MME: variants seen among roughly 807,000 people sequenced by gnomAD.
MME encodes neprilysin.
Under a neutral mutation model 113.2 loss-of-function variants are expected in MME, and 98 were observed. That is an observed-to-expected ratio of 0.87 (90% CI 0.74 to 1.02). The LOEUF (loss-of-function observed/expected upper bound fraction) is 1.02. MME is among the 50% of genes least tolerant of loss of function. The probability of loss-of-function intolerance (pLI) is 0.00; values close to 1 mark genes in which losing one functional copy is unlikely to be tolerated. For missense variants in MME, 836 were observed against 896.0 expected, an observed-to-expected ratio of 0.93 and a Z score of 0.86; for synonymous variants, 292 against 300.6, an observed-to-expected ratio of 0.97 and a Z score of 0.30.
chr3:155,049,824 G>T (rs1353555762), intron 1 of MME, among the ~76,000 whole-genome samples: 3 of 152,124 alleles, frequency 2.0e-5, no homozygotes, highest in South Asian at 4.1e-4. Flanking sequence ...ACCTTATTTT[G>T]TTATTTTCTT....
chr3:155,084,278 C>T lies in MME; in HGVS notation c.111C>T (p.Leu37=). The change falls in exon 2 of 23, where the codon CTC becomes CTT. Residue 37 remains leucine (L), a synonymous_variant. Coordinates refer to ENST00000360490, the MANE Select transcript of MME (RefSeq NM_007289.4). The part of the protein sequence containing the change: ...LEISLSVLVL[L]LTIIAVTMIA... ...TCAGCCTCTCGGTCCTTGTCCTGCT[C>T]CTCACCATCATAGCTGTGACAATGA... is the stretch of plus-strand genomic sequence containing the variant. 1 of 1,614,176 alleles carries T rather than the reference C, an allele frequency of 6.2e-7. No individual in the cohort carries two copies. Among genetic ancestry groups the T allele is most frequent in the Non-Finnish European group, 8.5e-7 (1 of 1,180,044 alleles).
In MME at chr3:155,160,386, A is replaced by G. The variant is rs777730195; in HGVS notation, c.1602-4A>G. 22 of 1,601,564 alleles carry G rather than the reference A, an allele frequency of 1.4e-5. No homozygotes were observed. Among genetic ancestry groups the G allele is most frequent in the African/African-American group, 2.7e-5 (2 of 74,584 alleles). On this transcript the variant is annotated splice_polypyrimidine_tract_variant and splice_region_variant and intron_variant, in intron 16 of 22. Transcript: ENST00000360490. ...TTTGTAAAGAGTTCTTATGTTTTCTACAGGTGGATAAGTGGAGCAGCTGTA... is the reference window on the plus strand; with the variant it reads ...TTTGTAAAGAGTTCTTATGTTTTCTGCAGGTGGATAAGTGGAGCAGCTGTA...
chr3:155,095,631 C>T (rs986756306), intron 3 of MME, among the ~76,000 whole-genome samples: 30 of 152,274 alleles, frequency 2.0e-4, no homozygotes, highest in Admixed American at 5.2e-4. Flanking sequence ...CCACACGCCT[C>T]AGCCTCCCAA....
chr3:155,131,099 A>T (rs113391954), intron 8 of MME, among the ~76,000 whole-genome samples: 1 of 152,220 alleles, frequency 6.6e-6, no homozygotes, highest in Non-Finnish European at 1.5e-5. Flanking sequence ...GGGTGATTCA[A>T]TTTGGCTTGC....
At chr3:155,029,411 C>A (rs890448124) in intron 1 of MME, among the ~76,000 whole-genome samples, 5 of 151,778 alleles carry the variant, frequency 3.3e-5, no homozygotes, top group Non-Finnish European at 7.4e-5. Flanking sequence ...ATTTAAATAA[C>A]CTCTTAAACT....
At chr3:155,059,434 A>G (rs1423245957) in intron 1 of MME, among the ~76,000 whole-genome samples, 3 of 152,138 alleles carry the variant, frequency 2.0e-5, no homozygotes, top group Non-Finnish European at 2.9e-5. Context: ...TTTATTCCAC[A>G]AATACTTACG....
Position 155,143,490 on chromosome 3 carries a change from A to G in MME, c.1236A>G (p.Ala412=), listed in dbSNP as rs1370209442. The G allele has an allele frequency of 6.2e-7, 1 of 1,612,722 alleles. No individual in the cohort carries two copies. Among genetic ancestry groups the G allele is most frequent in the Non-Finnish European group, 8.5e-7 (1 of 1,179,064 alleles). ...AAACAGCAACTTGGAGACGTTGTGC[A>G]AACTATGTCAATGGGAATATGGAAA... ...TSETATWRRC[A]NYVNGNMENA... Residue 412 remains alanine (A), a synonymous_variant, in exon 13 of 23, where the codon GCA becomes GCG. Coordinates refer to ENST00000360490, the MANE Select transcript of MME (RefSeq NM_007289.4).
rs144301473 is a variant in MME at position 155,111,291 on chromosome 3, G to A, written c.197-3703G>A. On this transcript the variant is annotated intron_variant, in intron 3 of 22. Transcript: ENST00000360490. ...AGACCCAGCATAAAAGTGCTAGCCC[G>A]TGACTTGCCTTGGCCCATGGCCCCA... Among the ~76,000 whole-genome samples, 469 of 152,324 alleles carry A rather than the reference G, an allele frequency of 3.1e-3. 3 individuals are homozygous for A. Among genetic ancestry groups the A allele is most frequent in the African/African-American group, 0.011 (461 of 41,576 alleles).
intron 3 of MME, among the ~76,000 whole-genome samples, chr3:155,092,464 T>C (rs1716376608): frequency 6.6e-6 from 1 of 152,236 alleles, no homozygotes; most frequent in Non-Finnish European, 1.5e-5. Context: ...ATGTTAAATA[T>C]ATACTTTCCA....
chr3:155,149,664 C>T (rs1239202596), intron 16 of MME, among the ~76,000 whole-genome samples: 3 of 151,908 alleles, frequency 2.0e-5, no homozygotes, highest in Non-Finnish European at 2.9e-5. Flanking sequence ...AGGGAAATGT[C>T]GTGCCAAGCA....
chr3:155,164,787 C>A (rs1331200520), intron 17 of MME, among the ~76,000 whole-genome samples: 1 of 152,184 alleles, frequency 6.6e-6, no homozygotes, highest in Non-Finnish European at 1.5e-5. Flanking sequence ...CAGGCTGCTA[C>A]ACGTGAGGTA....
intron 1 of MME, among the ~76,000 whole-genome samples, chr3:155,072,750 T>C (rs889440358): frequency 2.6e-5 from 4 of 152,250 alleles, no homozygotes; most frequent in Admixed American, 1.3e-4. Context: ...TGCACATATC[T>C]GCAGGTTTTT....
At chr3:155,128,134 G>A (rs957154913) in intron 8 of MME, among the ~76,000 whole-genome samples, 8 of 152,290 alleles carry the variant, frequency 5.3e-5, no homozygotes, top group African/African-American at 1.7e-4. Flanking sequence ...GAAGGGAGTT[G>A]CATAAAAATA....
intron 3 of MME, among the ~76,000 whole-genome samples, chr3:155,103,980 A>G (rs1052458373): frequency 5.0e-4 from 76 of 152,332 alleles, no homozygotes; most frequent in African/African-American, 1.6e-3. Context: ...TAGGAGCTTT[A>G]CTTGTCAACT....
intron 4 of MME, 22 bp downstream of exon 4, chr3:155,115,177 G>T (rs1044651011): frequency 2.5e-6 from 4 of 1,612,440 alleles, no homozygotes; most frequent in Non-Finnish European, 3.4e-6. Context: ...TTGTGTCTGT[G>T]CATCAAAGAT....
intron 1 of MME, among the ~76,000 whole-genome samples, chr3:155,043,703 A>G (rs1171869925): frequency 6.6e-6 from 1 of 152,090 alleles, no homozygotes. Context: ...AGTTGTATCT[A>G]TTACTGGACC....
intron 9 of MME, among the ~76,000 whole-genome samples, chr3:155,139,929 T>C (rs925611021): frequency 6.6e-6 from 1 of 152,170 alleles, no homozygotes; most frequent in African/African-American, 2.4e-5. Flanking sequence ...CTTATATGGC[T>C]TGGCAGTTGT....
At chr3:155,027,586 A>C (rs79072404) in intron 1 of MME, among the ~76,000 whole-genome samples, 2,855 of 151,960 alleles carry the variant, frequency 0.019, 93 homozygotes, top group African/African-American at 0.066. Context: ...TGATCTGAAA[A>C]CCTCTATTCA....
rs149904674 is a variant in MME at position 155,119,327 on chromosome 3, T to C, written c.720+516T>C. Among the ~76,000 whole-genome samples, 948 of 152,032 alleles carry C rather than the reference T, an allele frequency of 6.2e-3. 4 individuals carry two copies. The highest frequency in any genetic ancestry group is 9.9e-3 in the Non-Finnish European group (675 of 67,998). ...GGCCAGGTAGCCAGTGGGCATCATA[T>C]CCCATAGTGGACGTTTGGATGTTCT... On this transcript the variant is annotated intron_variant, in intron 8 of 22. Coordinates refer to ENST00000360490, the MANE Select transcript of MME (RefSeq NM_007289.4).
Sources: allele counts gnomAD v4.1 joint callset (sites outside exome capture counted in the v4.1 genomes callset), GRCh38; gene constraint gnomAD v4.1.1; transcripts MANE v1.5; gene names NCBI Gene and HGNC (gene_info 2026-07-23, HGNC 2026-07-21).